Variants in RUBCN observed in about 807,000 individuals in gnomAD.
RUBCN encodes rubicon autophagy regulator, also known as run domain Beclin-1-interacting and cysteine-rich domain-containing protein.
RUBCN carries 74 observed loss-of-function variants against 113.2 expected under a neutral mutation model. The observed-to-expected ratio is 0.65, with a 90% CI of 0.54 to 0.79. RUBCN has a LOEUF of 0.79. RUBCN is among the 30% of genes least tolerant of loss of function. The pLI is 0.00. For synonymous variants in RUBCN, 480 were observed against 490.0 expected (o/e 0.98, Z 0.27); for missense variants, 1,109 against 1,251.7 (o/e 0.89, Z 1.72).
intron 1 of RUBCN, among the ~76,000 whole-genome samples, chr3:197,721,339 A>G (rs1726139762): frequency 6.6e-6 from 1 of 152,126 alleles, no homozygotes; most frequent in Non-Finnish European, 1.5e-5. Context: ...CAGTGTCGGT[A>G]AGCTGTATGT....
At chr3:197,691,986 A>T (rs190921264) in intron 11 of RUBCN, among the ~76,000 whole-genome samples, 19 of 152,102 alleles carry the variant, frequency 1.2e-4, no homozygotes, top group Admixed American at 3.9e-4. Context: ...TTTCAATCAT[A>T]CCTGAGTTTA....
upstream of RUBCN, among the ~76,000 whole-genome samples, chr3:197,738,603 G>T (rs577889532): frequency 1.3e-5 from 2 of 152,078 alleles, no homozygotes; most frequent in African/African-American, 4.8e-5. Context: ...CTTCTCTTTT[G>T]GAGACGCAGT....
In RUBCN at chr3:197,691,167, A is replaced by T. The variant is rs1240109965; in HGVS notation, c.1786+2548T>A. The T allele has an allele frequency of 4.2e-6, 5 of 1,197,754 alleles. No individual in the cohort carries two copies. The Admixed American group carries it at 9.2e-5, about 22-fold the overall frequency. The allele number at this position is 1,197,754 out of a possible 1,614,324, so 74.2% of individuals were successfully genotyped here. A position where few individuals can be genotyped will look rare whatever the true frequency, so the allele number is the denominator to read the frequency against. ...CTACCATCTGTGTAATAATGATGAT[A>T]AAAGGGGGCCCTTAGTATTCCAGCA... On this transcript the variant is annotated intron_variant, in intron 11 of 19. Transcript: ENST00000296343.
At chr3:197,728,473 AAAG>A in intron 1 of RUBCN, among the ~76,000 whole-genome samples, 1 of 152,352 alleles carries the variant, frequency 6.6e-6, no homozygotes, top group East Asian at 1.9e-4. Context: ...GACGGGAAAG[AAAG>A]AAAACAGGAA....
chr3:197,725,724 G>A (rs187033402), intron 1 of RUBCN, among the ~76,000 whole-genome samples: 1 of 151,872 alleles, frequency 6.6e-6, no homozygotes, highest in Non-Finnish European at 1.5e-5. Context: ...TTTGTAATTC[G>A]ACACCTATTT....
chr3:197,701,845 C>T lies in RUBCN; in HGVS notation c.590G>A (p.Ser197Asn), dbSNP rs773923125. ...DASMFARKHE[S>N]PLLVTKSQSL... is the part of the protein sequence containing the mutation. ...CTGGCTCTTTGTCACCAGGAGCGGG[C>T]TCTCGTGCTTTCTGGCAAACTAAAA... The change falls in exon 6 of 20, where the codon AGC (serine) becomes AAC (asparagine). Residue 197 changes from serine to asparagine, a missense_variant. Transcript: ENST00000296343. The T allele has an allele frequency of 1.2e-6, 2 of 1,614,144 alleles. No homozygotes were observed. The highest frequency in any genetic ancestry group is 1.3e-5 in the African/African-American group (1 of 75,026).
chr3:197,674,971 T>C lies in RUBCN; in HGVS notation c.*47A>G. The C allele has an allele frequency of 6.3e-7, 1 of 1,591,464 alleles. No individual in the cohort carries two copies. Among genetic ancestry groups the C allele is most frequent in the Non-Finnish European group, 8.5e-7 (1 of 1,170,838 alleles). On this transcript the variant is annotated 3_prime_UTR_variant, in exon 20 of 20. Transcript: ENST00000296343. The stretch of plus-strand genomic sequence containing the variant: ...AGTCCTTCAAAGAGTGGCTCAGTTC[T>C]GCAACAGGTGTGACCCGGCCCGGAG...
Position 197,694,574 on chromosome 3 carries a change from G to C in RUBCN, c.1485C>G (p.His495Gln), listed in dbSNP as rs1380538374. 4.3e-6 allele frequency: 7 copies of C among 1,614,050 alleles called. No individual in the cohort carries two copies. Among genetic ancestry groups the C allele is most frequent in the Non-Finnish European group, 5.9e-6 (7 of 1,180,000 alleles). Residue 495 changes from histidine (H) to glutamine (Q), a missense_variant, in exon 10 of 20, where the codon CAC (histidine) becomes CAG (glutamine). Transcript: ENST00000296343. Reference sequence around the variant, plus strand: ...CAATTAAGGACTCTGAGATGCTGAAGTGGGCATTCTCCTGGCGGAAGGAGA... The same window carrying C: ...CAATTAAGGACTCTGAGATGCTGAACTGGGCATTCTCCTGGCGGAAGGAGA... ...SCADLEKENA[H>Q]FSISESLIAA...
chr3:197,713,525 G>C (rs1460969281), intron 2 of RUBCN, among the ~76,000 whole-genome samples: 4 of 152,154 alleles, frequency 2.6e-5, no homozygotes, highest in African/African-American at 9.7e-5. Context: ...GCCACAAATA[G>C]GAAGAAGGGC....
Position 197,681,409 on chromosome 3 carries a change from C to T in RUBCN, c.2192-42G>A. On this transcript the variant is annotated intron_variant, in intron 15 of 19. Transcript: ENST00000296343. The surrounding 1 kb of genome is among the most constrained non-coding windows in gnomAD (Gnocchi z 5.5). Reference sequence around the variant, plus strand: ...GCCAGAAAGCCAGATGTAACTTTCCCATCTACAAGCTGGGAAGGCAGCTCT... The same window carrying T: ...GCCAGAAAGCCAGATGTAACTTTCCTATCTACAAGCTGGGAAGGCAGCTCT... The T allele has an allele frequency of 6.8e-7, 1 of 1,480,184 alleles. No homozygotes were observed. The highest frequency in any genetic ancestry group is 1.1e-5 in the South Asian group (1 of 88,346). The allele number at this position is 1,480,184 out of a possible 1,614,324, so 91.7% of individuals were successfully genotyped here.
intron 1 of RUBCN, among the ~76,000 whole-genome samples, chr3:197,721,462 TTCTC>T (rs1200350699): frequency 6.6e-6 from 1 of 152,170 alleles, no homozygotes; most frequent in Non-Finnish European, 1.5e-5. Context: ...TGTCTCCTTT[TTCTC>T]TCTGATTTTA....
chr3:197,746,656 GTTGT>G (rs1310524123), intron 1 of RUBCN, among the ~76,000 whole-genome samples: 1 of 152,094 alleles, frequency 6.6e-6, no homozygotes, highest in African/African-American at 2.4e-5. Context: ...ACAATTGTCC[GTTGT>G]TTATCTGAAA....
chr3:197,694,557 G>T lies in RUBCN; in HGVS notation c.1502C>A (p.Ser501Tyr). The change falls in exon 10 of 20, where the codon TCC becomes TAC. Residue 501 changes from serine to tyrosine, a missense_variant. This residue lies in a region of RUBCN where 736 missense variants were observed against 779.6 expected (regional missense o/e 0.94). Transcript: ENST00000296343. ...CATTAGCTCGATGGCAGCAATTAAG[G>T]ACTCTGAGATGCTGAAGTGGGCATT... ...KENAHFSISE[S>Y]LIAAIELMKC... 6.2e-7 allele frequency: 1 copy of T among 1,614,222 alleles called. No homozygotes were observed. Among genetic ancestry groups the T allele is most frequent in the Admixed American group, 1.7e-5 (1 of 60,032 alleles).
intron 7 of RUBCN, among the ~76,000 whole-genome samples, chr3:197,699,798 CCT>C (rs1173715329): frequency 6.6e-6 from 1 of 152,130 alleles, no homozygotes; most frequent in African/African-American, 2.4e-5. Flanking sequence ...GAAACCGCCC[CCT>C]CTTTTTTTTA....
chr3:197,722,121 T>C (rs1424310323), intron 1 of RUBCN, among the ~76,000 whole-genome samples: 1 of 151,884 alleles, frequency 6.6e-6, no homozygotes, highest in Non-Finnish European at 1.5e-5. Flanking sequence ...TGCGTGCATG[T>C]AATCCCAGCT....
chr3:197,698,786 A>G (rs28694818), intron 7 of RUBCN, among the ~76,000 whole-genome samples: 3,847 of 143,894 alleles, frequency 0.027, 103 homozygotes, highest in African/African-American at 0.069. Flanking sequence ...TGAAGCCAGG[A>G]GTTCAAGACC....
Position 197,705,138 on chromosome 3 carries a change from T to C in RUBCN, c.257A>G (p.Lys86Arg). The C allele has an allele frequency of 6.2e-7, 1 of 1,614,176 alleles. No homozygotes were observed. The highest frequency in any genetic ancestry group is 8.5e-7 in the Non-Finnish European group (1 of 1,180,024). ...GTGGGGACTGAGCCACCGGATGTCT[T>C]TCACGAACTGCCAGTAATCCGTCTG... is the stretch of plus-strand genomic sequence containing the variant. ...RRQTDYWQFVKDIRWLSPHSA... is the reference protein window; with the variant it reads ...RRQTDYWQFVRDIRWLSPHSA... Residue 86 changes from lysine to arginine, a missense_variant, in exon 3 of 20, where the codon AAA becomes AGA. Physicochemically the swap from Lys to Arg is conservative, Grantham distance 26 (BLOSUM62 2). Around this residue, in one of 3 missense-constraint regions of RUBCN, gnomAD observed 736 missense variants for 779.6 expected, o/e 0.94. Transcript: ENST00000296343.
In RUBCN at chr3:197,695,846, T is replaced by G. The variant is rs371300868; in HGVS notation, c.1473+20A>C. On this transcript the variant is annotated intron_variant, in intron 9 of 19. Transcript: ENST00000296343. ...AATCTCCCAACTCATGAGCTCTTCA[T>G]GAGGCCCTCGATTTCCCACCTTTTC... The G allele has an allele frequency of 7.5e-6, 12 of 1,610,346 alleles. 1 individual carries two copies. In the South Asian group the frequency reaches 1.3e-4, roughly 18 times the overall value.
Position 197,682,615 on chromosome 3 carries a change from G to C in RUBCN, c.1981C>G (p.Leu661Val). Residue 661 changes from leucine to valine, a missense_variant and splice_region_variant, in exon 14 of 20, where the codon CTC (leucine) becomes GTC (valine). Leu to Val is a conservative substitution (Grantham distance 32). Coordinates refer to ENST00000296343, the MANE Select transcript of RUBCN (RefSeq NM_014687.4). ...LVPEHDAPQK[L>V]LPIPDSLPIS... ...GGCAGTGAGTCAGGAATGGGCAGGAGCTGCAGGAGGAAAGCACAGTTGGGG... is the reference window on the plus strand; with the variant it reads ...GGCAGTGAGTCAGGAATGGGCAGGACCTGCAGGAGGAAAGCACAGTTGGGG... 1 of 1,613,854 alleles carries C rather than the reference G, an allele frequency of 6.2e-7. No individual in the cohort carries two copies. Among genetic ancestry groups the C allele is most frequent in the East Asian group, 2.2e-5 (1 of 44,882 alleles).
Sources: allele counts gnomAD v4.1 joint callset (sites outside exome capture counted in the v4.1 genomes callset), GRCh38; gene constraint gnomAD v4.1.1; regional missense constraint gnomAD v4.1.1; non-coding constraint Gnocchi (gnomAD v3.1); transcripts MANE v1.5; gene names NCBI Gene and HGNC (gene_info 2026-07-23, HGNC 2026-07-21).